The following IGBP1C variants were observed in gnomAD, a reference collection of about 807,000 sequenced individuals.
IGBP1C encodes immunoglobulin-binding protein 1 family member C.
chr17:58,684,723 T>C, the IGBP1C span, among the ~76,000 whole-genome samples: 1 of 151,998 alleles, frequency 6.6e-6, no homozygotes, highest in Admixed American at 6.6e-5. Flanking sequence ...AAAACTCATA[T>C]AGATTAATAG....
chr17:58,688,807 CG>C, the IGBP1C span, among the ~76,000 whole-genome samples: 3 of 151,744 alleles, frequency 2.0e-5, no homozygotes, highest in Admixed American at 1.3e-4. Context: ...AACATATTCC[CG>C]GGGGGGGTTT....
the IGBP1C span, among the ~76,000 whole-genome samples, chr17:58,689,309 C>T: frequency 6.6e-6 from 1 of 152,008 alleles, no homozygotes; most frequent in East Asian, 1.9e-4. Context: ...CAACCTCTGC[C>T]TCCTGGGTTC....
At chr17:58,679,513 AAAC>A in the IGBP1C span, 2 of 152,354 alleles carry the variant, frequency 1.3e-5, no homozygotes, top group East Asian at 3.9e-4. Flanking sequence ...CGCCTTTTAT[AAAC>A]AAGCCAGATC....
At chr17:58,675,995 G>T in the IGBP1C span, among the ~76,000 whole-genome samples, 1 of 152,046 alleles carries the variant, frequency 6.6e-6, no homozygotes, top group South Asian at 2.1e-4. Flanking sequence ...ATCCCAGCAC[G>T]TTGGGAGGCT....
the IGBP1C span, chr17:58,675,565 A>T: frequency 6.6e-6 from 1 of 152,168 alleles, no homozygotes; most frequent in Non-Finnish European, 1.5e-5. Flanking sequence ...TCTTTCTAAA[A>T]ATCAAACTAT....
the IGBP1C span, among the ~76,000 whole-genome samples, chr17:58,686,665 C>G: frequency 2.6e-5 from 4 of 151,990 alleles, no homozygotes; most frequent in Non-Finnish European, 5.9e-5. Flanking sequence ...TCGTGGACAA[C>G]AAATACATAT....
chr17:58,679,566 T>C, the IGBP1C span: 5 of 152,332 alleles, frequency 3.3e-5, no homozygotes, highest in South Asian at 2.1e-4. Context: ...CCACAAATTA[T>C]GCAATTAAGT....
the IGBP1C span, chr17:58,679,618 A>G: frequency 1.3e-5 from 2 of 152,224 alleles, no homozygotes; most frequent in African/African-American, 4.8e-5. Context: ...GCACATCCAC[A>G]ATGCAAGAGA....
chr17:58,670,576 C>A, the IGBP1C span, among the ~76,000 whole-genome samples: 2 of 151,648 alleles, frequency 1.3e-5, no homozygotes, highest in Non-Finnish European at 2.9e-5. Flanking sequence ...GTGTTTGAGA[C>A]CAGCCTGGCC....
chr17:58,660,981 A>G, the IGBP1C span: 6 of 1,165,484 alleles, frequency 5.1e-6, no homozygotes, highest in South Asian at 6.1e-5. Flanking sequence ...ATCTCTTCTA[A>G]GCTGATATCA....
the IGBP1C span, among the ~76,000 whole-genome samples, chr17:58,678,442 T>C: frequency 2.0e-5 from 3 of 152,044 alleles, no homozygotes; most frequent in African/African-American, 7.2e-5. Context: ...CCATCAATGA[T>C]AGAATGGATT....
the IGBP1C span, chr17:58,666,665 A>G: frequency 2.6e-5 from 4 of 152,180 alleles, no homozygotes; most frequent in East Asian, 1.9e-4. Flanking sequence ...AACCACCTCC[A>G]TAATCACAGT....
the IGBP1C span, among the ~76,000 whole-genome samples, chr17:58,669,733 C>CAAAAAAAAA: frequency 3.6e-5 from 2 of 56,294 alleles, no homozygotes; most frequent in African/African-American, 6.3e-5. Flanking sequence ...GACTCCGTCT[C>CAAAAAAAAA]AAAAAAAAAA....
chr17:58,683,210 T>C, the IGBP1C span, among the ~76,000 whole-genome samples: 1 of 150,946 alleles, frequency 6.6e-6, no homozygotes, highest in Admixed American at 6.6e-5. Flanking sequence ...CCATCTCTAC[T>C]AAAGATACAA....
chr17:58,674,239 G>A, the IGBP1C span, among the ~76,000 whole-genome samples: 45,007 of 150,772 alleles, frequency 0.3, 7,168 homozygotes, highest in Middle Eastern at 0.49. Context: ...TCGCACCACT[G>A]CACTCCAGCC....
At chr17:58,677,277 C>A in the IGBP1C span, among the ~76,000 whole-genome samples, 2 of 152,102 alleles carry the variant, frequency 1.3e-5, no homozygotes, top group South Asian at 4.1e-4. Context: ...AAGAGCAAGA[C>A]CCTGTCTCTA....
chr17:58,675,512 T>G, the IGBP1C span: 1 of 152,242 alleles, frequency 6.6e-6, no homozygotes, highest in African/African-American at 2.4e-5. Flanking sequence ...AATACAATAT[T>G]GGGGTTATGT....
chr17:58,673,220 C>T, the IGBP1C span, among the ~76,000 whole-genome samples: 3 of 151,652 alleles, frequency 2.0e-5, no homozygotes, highest in African/African-American at 7.3e-5. Flanking sequence ...GTAGCTTATG[C>T]CTGTATTCCC....
At chr17:58,674,132 T>C in the IGBP1C span, among the ~76,000 whole-genome samples, 11 of 151,726 alleles carry the variant, frequency 7.2e-5, no homozygotes, top group Admixed American at 1.3e-4. Context: ...AAAATTTAGC[T>C]GGGTGTGGTG....
Sources: gnomAD v4.1 joint callset for allele counts (sites outside exome capture counted in the v4.1 genomes callset) on GRCh38, gnomAD v4.1.1 for gene constraint, MANE v1.5 for transcripts, NCBI Gene and HGNC (gene_info 2026-07-23, HGNC 2026-07-21) for gene names.